The following WBP1L variants were observed in gnomAD, a reference collection of about 807,000 sequenced individuals.
The protein encoded by WBP1L is WW domain binding protein 1-like.
In WBP1L, 17 loss-of-function variants were observed where a neutral mutation model predicts 33.7. That is an observed-to-expected ratio of 0.50 (90% CI 0.34 to 0.76). The LOEUF is 0.76. WBP1L is among the 30% of genes least tolerant of loss of function. WBP1L has a pLI of 0.01. For synonymous variants in WBP1L, 173 were observed against 190.8 expected (o/e 0.91, Z 0.77); for missense variants, 389 against 469.4 (o/e 0.83, Z 1.58).
At chr10:102,810,826 CA>C (rs1843828653) in intron 3 of WBP1L, among the ~76,000 whole-genome samples, 1 of 151,732 alleles carries the variant, frequency 6.6e-6, no homozygotes, top group African/African-American at 2.4e-5. Context: ...CTCGGCCTCC[CA>C]AAGTGCTGGG....
chr10:102,768,763 C>G (rs927900026), intron 1 of WBP1L, among the ~76,000 whole-genome samples: 1 of 148,856 alleles, frequency 6.7e-6, no homozygotes, highest in African/African-American at 2.5e-5. Flanking sequence ...TCTCGGCTCA[C>G]TGAAAGCTCC....
chr10:102,772,992 A>C (rs1843212568), intron 1 of WBP1L, among the ~76,000 whole-genome samples: 1 of 149,948 alleles, frequency 6.7e-6, no homozygotes, highest in Non-Finnish European at 1.5e-5. Flanking sequence ...CAGGCGGATG[A>C]CTAAAGTCAT....
rs1363932836 is a variant in WBP1L at position 102,812,662 on chromosome 10, A to G, written c.423A>G (p.Pro141=). ...TGAACCGACCTCCAACTCCTCCCCC[A>G]CCATACAGTGCCTTCCAGCTACAGC... ...EVVNRPPTPP[P]PYSAFQLQQQ... The change falls in exon 4 of 4, where the codon CCA becomes CCG. Residue 141 remains proline (P), a synonymous_variant. Transcript: ENST00000448841. 6.2e-7 allele frequency: 1 copy of G among 1,611,282 alleles called. No homozygotes were observed. The highest frequency in any genetic ancestry group is 2.2e-5 in the East Asian group (1 of 44,836).
At chr10:102,745,508 C>G (rs1842855287) in intron 1 of WBP1L, among the ~76,000 whole-genome samples, 1 of 152,176 alleles carries the variant, frequency 6.6e-6, no homozygotes, top group South Asian at 2.1e-4. Flanking sequence ...CTTTCAGTCT[C>G]TATGGATTTA....
chr10:102,772,051 C>T (rs1564759010), intron 1 of WBP1L, among the ~76,000 whole-genome samples: 1 of 149,896 alleles, frequency 6.7e-6, no homozygotes, highest in Non-Finnish European at 1.5e-5. Flanking sequence ...AGCTCTGCCT[C>T]CCGGGTTCAC....
At chr10:102,800,489 T>C (rs1843640694) in intron 2 of WBP1L, among the ~76,000 whole-genome samples, 1 of 152,064 alleles carries the variant, frequency 6.6e-6, no homozygotes, top group Non-Finnish European at 1.5e-5. Context: ...TTAAAGAAAG[T>C]CAGAGAAAGA....
intron 1 of WBP1L, among the ~76,000 whole-genome samples, chr10:102,750,916 C>G (rs1341180847): frequency 6.6e-6 from 1 of 152,172 alleles, no homozygotes. Context: ...CTTGCCATTC[C>G]TATGGATTTG....
chr10:102,755,753 T>C (rs1185587254), intron 1 of WBP1L, among the ~76,000 whole-genome samples: 1 of 151,540 alleles, frequency 6.6e-6, no homozygotes, highest in East Asian at 1.9e-4. Context: ...AATAATAGAT[T>C]TTAAAATGTT....
At chr10:102,770,534 G>GT (rs1420472188) in intron 1 of WBP1L, among the ~76,000 whole-genome samples, 4 of 152,192 alleles carry the variant, frequency 2.6e-5, no homozygotes, top group African/African-American at 9.7e-5. Flanking sequence ...TGACCAGATG[G>GT]CAAAGGTGTG....
chr10:102,800,188 C>T (rs746799280), intron 2 of WBP1L, among the ~76,000 whole-genome samples: 2 of 152,252 alleles, frequency 1.3e-5, no homozygotes, highest in Non-Finnish European at 2.9e-5. Flanking sequence ...GGTTCAAATT[C>T]TCCTTCCCAC....
At chr10:102,793,360 A>C (rs1323023186) in intron 1 of WBP1L, among the ~76,000 whole-genome samples, 3 of 152,216 alleles carry the variant, frequency 2.0e-5, no homozygotes, top group African/African-American at 7.2e-5. Context: ...CAGAAGGATC[A>C]CGTGAGCCCA....
rs1183239218 is a variant in WBP1L at position 102,814,920 on chromosome 10, G to C, written c.*1589G>C. 8 of 152,558 alleles carry C rather than the reference G, an allele frequency of 5.2e-5. No homozygotes were observed. Among genetic ancestry groups the C allele is most frequent in the Non-Finnish European group, 1.2e-4 (8 of 68,032 alleles). The allele number at this position is 152,558 out of a possible 1,614,324, so 9.5% of individuals were successfully genotyped here. On this transcript the variant is annotated 3_prime_UTR_variant, in exon 4 of 4. Transcript: ENST00000448841. ...TATGTCCAAAAACAGACAAATCCAA[G>C]GGTGTGAGGTAAACGAGTGTCTGCA...
At chr10:102,774,649 TG>T (rs1843233506) in intron 1 of WBP1L, among the ~76,000 whole-genome samples, 1 of 152,090 alleles carries the variant, frequency 6.6e-6, no homozygotes, top group Non-Finnish European at 1.5e-5. Flanking sequence ...TGTCCTAGGT[TG>T]GGGGTTATAG....
intron 3 of WBP1L, 81 bp downstream of exon 3, chr10:102,810,135 A>G: frequency 1.3e-6 from 2 of 1,510,708 alleles, no homozygotes; most frequent in Non-Finnish European, 1.8e-6. Context: ...ATTGGTGGCC[A>G]GGCTCCTGTA....
At chr10:102,747,431 C>T (rs1004693789) in intron 1 of WBP1L, among the ~76,000 whole-genome samples, 2 of 150,236 alleles carry the variant, frequency 1.3e-5, no homozygotes, top group African/African-American at 4.9e-5. Flanking sequence ...ACAGCCTTGG[C>T]GTTTGTTTCC....
At chr10:102,805,191 G>A (rs1843712901) in intron 2 of WBP1L, among the ~76,000 whole-genome samples, 1 of 152,108 alleles carries the variant, frequency 6.6e-6, no homozygotes. Flanking sequence ...AGGCTAAAGT[G>A]GGCTCCTTGA....
At position 102,798,977 on chromosome 10, in the gene WBP1L, A is replaced by C. The variant is rs569121176; in HGVS notation, c.193+882A>C. 2.6e-5 allele frequency among the ~76,000 whole-genome samples: 4 copies of C among 152,304 alleles called. No individual in the cohort carries two copies. In the South Asian group the frequency reaches 8.3e-4, roughly 32 times the overall value. On this transcript the variant is annotated intron_variant, in intron 2 of 3. Coordinates refer to ENST00000448841, the MANE Select transcript of WBP1L (RefSeq NM_001083913.2). ...TCCTTTTATTTCTTACCCAGTTCTC[A>C]CATGGAAGTTCCTGGAGGATTCTCC...
Position 102,768,384 on chromosome 10 carries a change from T to G in WBP1L, c.90+24241T>G, listed in dbSNP as rs1336642722. On this transcript the variant is annotated intron_variant, in intron 1 of 3. Transcript: ENST00000448841. ...CATTAGTTTTTTGTTTTTTTTTTTT[T>G]TTTTTTTTTTTTGAGACGGAGTCTC... Among the ~76,000 whole-genome samples, 19 of 17,072 alleles carry G rather than the reference T, an allele frequency of 1.1e-3. 2 individuals carry two copies. Among genetic ancestry groups the G allele is most frequent in the African/African-American group, 1.8e-3 (3 of 1,650 alleles). 11.2% of individuals were successfully genotyped at this position (17,072 alleles called of 152,430 possible).
chr10:102,774,476 C>T (rs982613344), intron 1 of WBP1L, among the ~76,000 whole-genome samples: 5 of 152,172 alleles, frequency 3.3e-5, no homozygotes, highest in African/African-American at 1.2e-4. Flanking sequence ...GGAAATGGTT[C>T]AGCCAGTTTG....
Sources: gnomAD v4.1 joint callset for allele counts (sites outside exome capture counted in the v4.1 genomes callset) on GRCh38, gnomAD v4.1.1 for gene constraint, MANE v1.5 for transcripts, NCBI Gene and HGNC (gene_info 2026-07-23, HGNC 2026-07-21) for gene names.